Variants in KCNQ1 observed in about 807,000 individuals in gnomAD.
KCNQ1 encodes potassium voltage-gated channel subfamily Q member 1.
A neutral mutation model predicts 72.4 loss-of-function variants in KCNQ1; 49 were observed. The observed-to-expected ratio is 0.68, with a 90% CI of 0.54 to 0.86. The LOEUF (loss-of-function observed/expected upper bound fraction) is 0.86. Among genes scored for constraint, KCNQ1 ranks in the 40% least tolerant of loss-of-function variants. The pLI is 0.00. For synonymous variants in KCNQ1, 450 were observed against 412.6 expected (o/e 1.09, Z -1.10); for missense variants, 790 against 945.1 (o/e 0.84, Z 2.15).
Position 2,830,571 on chromosome 11 carries a change from G to A in KCNQ1, c.1795-17196G>A, listed in dbSNP as rs561254430. The stretch of plus-strand genomic sequence containing the variant: ...AAGGGCGGGCTGGGAGCTGCAGGAT[G>A]GGGCCTGAATCTCTCATCAACTCAC... On this transcript the variant is annotated intron_variant, in intron 15 of 15. Transcript: ENST00000155840. The surrounding 1 kb of genome is among the most constrained non-coding windows in gnomAD (Gnocchi z 7.7). Among the ~76,000 whole-genome samples, 659 of 152,250 alleles carry A rather than the reference G, an allele frequency of 4.3e-3. 2 individuals are homozygous for A. Among genetic ancestry groups the A allele is most frequent in the Non-Finnish European group, 7.0e-3 (477 of 67,992 alleles).
chr11:2,770,614 G>A (rs887904890), intron 12 of KCNQ1, among the ~76,000 whole-genome samples: 1 of 152,242 alleles, frequency 6.6e-6, no homozygotes, highest in East Asian at 1.9e-4. Context: ...ACCAAGTTGT[G>A]TCAAAGCTCC....
intron 15 of KCNQ1, 21 bp from the exon 16 acceptor site, chr11:2,847,746 C>A: frequency 1.1e-5 from 18 of 1,567,604 alleles, no homozygotes; most frequent in Non-Finnish European, 1.6e-5. Flanking sequence ...CTGACTCTCT[C>A]GTCTGCCTTT....
At chr11:2,545,193 T>G (rs1199799248) in intron 2 of KCNQ1, among the ~76,000 whole-genome samples, 1 of 152,254 alleles carries the variant, frequency 6.6e-6, no homozygotes, top group Admixed American at 6.5e-5. Context: ...GTTAAAATTT[T>G]GCTAACAACC....
Position 2,740,089 on chromosome 11 carries a change from C to T in KCNQ1, c.1515-28755C>T, listed in dbSNP as rs1279943352. 2.0e-5 allele frequency among the ~76,000 whole-genome samples: 3 copies of T among 152,192 alleles called. No homozygotes were observed. In the East Asian group the frequency reaches 5.8e-4, roughly 29 times the overall value. On this transcript the variant is annotated intron_variant, in intron 11 of 15. Coordinates refer to ENST00000155840, the MANE Select transcript of KCNQ1 (RefSeq NM_000218.3). ...AGGCCCTGAACAGACAGAGGCAAGC[C>T]CTGCATGGCGCCCAGGGTGCCAGTG... is the stretch of plus-strand genomic sequence containing the variant.
chr11:2,477,270 G>C lies in KCNQ1; in HGVS notation c.386+31786G>C, dbSNP rs1241516962. ...ACCGTATGGGCATTCACTGGACAGT[G>C]TTTTCATCCCGTATGTTTGAACAAT... On this transcript the variant is annotated intron_variant, in intron 1 of 15. Coordinates refer to ENST00000155840, the MANE Select transcript of KCNQ1 (RefSeq NM_000218.3). The surrounding 1 kb of genome is among the most constrained non-coding windows in gnomAD (Gnocchi z 5.0). Among the ~76,000 whole-genome samples, 1 of 152,178 alleles carries C rather than the reference G, an allele frequency of 6.6e-6. No homozygotes were observed. Among genetic ancestry groups the C allele is most frequent in the Admixed American group, 6.5e-5 (1 of 15,278 alleles).
intron 1 of KCNQ1, among the ~76,000 whole-genome samples, chr11:2,472,913 C>T (rs1293592746): frequency 6.6e-6 from 1 of 152,060 alleles, no homozygotes; most frequent in Non-Finnish European, 1.5e-5. Context: ...CTTCTTGATA[C>T]TCCAGGGCCC....
intron 15 of KCNQ1, among the ~76,000 whole-genome samples, chr11:2,796,743 G>A (rs1847142050): frequency 6.6e-6 from 1 of 152,208 alleles, no homozygotes; most frequent in Non-Finnish European, 1.5e-5. Context: ...GACAGAGACT[G>A]GGAGCCATTC....
At chr11:2,557,619 T>C (rs1848091992) in intron 2 of KCNQ1, among the ~76,000 whole-genome samples, 1 of 152,238 alleles carries the variant, frequency 6.6e-6, no homozygotes, top group South Asian at 2.1e-4. Context: ...CAGCTGGGGC[T>C]GGAGCCTCCA....
At chr11:2,480,532 A>G (rs189618877) in intron 1 of KCNQ1, among the ~76,000 whole-genome samples, 3 of 152,348 alleles carry the variant, frequency 2.0e-5, no homozygotes, top group Admixed American at 2.0e-4. Context: ...TATGGGAGAA[A>G]CTGCCCCCAT....
At chr11:2,587,210 A>G (rs908297707) in intron 8 of KCNQ1, among the ~76,000 whole-genome samples, 7 of 152,104 alleles carry the variant, frequency 4.6e-5, no homozygotes, top group African/African-American at 1.7e-4. Context: ...TTGGTCTCCT[A>G]TGCACGCTGT....
intron 11 of KCNQ1, chr11:2,672,171 G>C: frequency 2.5e-6 from 1 of 398,612 alleles, no homozygotes; most frequent in Non-Finnish European, 4.4e-6. Context: ...GTTTTTCAGT[G>C]TTTTCTTTAG....
chr11:2,690,312 A>C lies in KCNQ1; in HGVS notation c.1514+28231A>C. On this transcript the variant is annotated intron_variant, in intron 11 of 15. Coordinates refer to ENST00000155840, the MANE Select transcript of KCNQ1 (RefSeq NM_000218.3). This position sits in a 1 kb window ranked among gnomAD's most constrained non-coding sequence, Gnocchi z 5.1. Reference sequence around the variant, plus strand: ...TCTTCCTCCCTGTAGGATTGTCACAAGGATTAAATGATGTCAAGTCTGAGG... The same window carrying C: ...TCTTCCTCCCTGTAGGATTGTCACACGGATTAAATGATGTCAAGTCTGAGG... 1 of 398,706 alleles carries C rather than the reference A, an allele frequency of 2.5e-6. No homozygotes were observed. The highest frequency in any genetic ancestry group is 4.4e-6 in the Non-Finnish European group (1 of 226,096). 24.7% of individuals were successfully genotyped at this position (398,706 alleles called of 1,614,324 possible).
In KCNQ1 at chr11:2,782,323, T is replaced by C. The variant is rs899311645; in HGVS notation, c.1794+4286T>C. Among the ~76,000 whole-genome samples, 2 of 152,218 alleles carry C rather than the reference T, an allele frequency of 1.3e-5. No homozygotes were observed. The highest frequency in any genetic ancestry group is 2.4e-5 in the African/African-American group (1 of 41,450). ...ACATTGTATATTATTTCTTAAACAC[T>C]GCTGAAATCTCACTTACTAATATTT... is the stretch of plus-strand genomic sequence containing the variant. On this transcript the variant is annotated intron_variant, in intron 15 of 15. Coordinates refer to ENST00000155840, the MANE Select transcript of KCNQ1 (RefSeq NM_000218.3). The surrounding 1 kb of genome is among the most constrained non-coding windows in gnomAD (Gnocchi z 6.1).
In KCNQ1 at chr11:2,543,730, G is replaced by C. The variant is rs1023855550; in HGVS notation, c.477+15712G>C. ...TTCTGCTAGTAGTTTTATAATTTTTGTGCTTACCTTTAGGCCTAGGATGCA... is the reference window on the plus strand; with the variant it reads ...TTCTGCTAGTAGTTTTATAATTTTTCTGCTTACCTTTAGGCCTAGGATGCA... On this transcript the variant is annotated intron_variant, in intron 2 of 15. Coordinates refer to ENST00000155840, the MANE Select transcript of KCNQ1 (RefSeq NM_000218.3). This position sits in a 1 kb window ranked among gnomAD's most constrained non-coding sequence, Gnocchi z 5.6. Among the ~76,000 whole-genome samples the C allele has an allele frequency of 1.3e-5, 2 of 152,060 alleles. No homozygotes were observed. Among genetic ancestry groups the C allele is most frequent in the African/African-American group, 4.8e-5 (2 of 41,394 alleles).
Position 2,472,168 on chromosome 11 carries a change from C to A in KCNQ1, c.386+26684C>A, listed in dbSNP as rs1240867782. 2.3e-5 allele frequency among the ~76,000 whole-genome samples: 3 copies of A among 131,206 alleles called. No homozygotes were observed. The East Asian group carries it at 6.7e-4, about 29-fold the overall frequency. 86.1% of individuals were successfully genotyped at this position (131,206 alleles called of 152,430 possible). A position where few individuals can be genotyped will look rare whatever the true frequency, so the allele number is the denominator to read the frequency against. ...TGTGTTTTATGTATGGGTGTGTGTG[C>A]ACCTTTGTGTGTATATGTGCATGTC... is the stretch of plus-strand genomic sequence containing the variant. On this transcript the variant is annotated intron_variant, in intron 1 of 15. Transcript: ENST00000155840.
chr11:2,649,242 C>G, intron 10 of KCNQ1: 1 of 398,222 alleles, frequency 2.5e-6, no homozygotes, highest in Non-Finnish European at 4.4e-6. Flanking sequence ...AGGACTTACT[C>G]CTGTCATTTT....
rs1221967066 is a variant in KCNQ1 at position 2,479,413 on chromosome 11, T to A, written c.386+33929T>A. Among the ~76,000 whole-genome samples, 1 of 152,222 alleles carries A rather than the reference T, an allele frequency of 6.6e-6. No individual in the cohort carries two copies. Among genetic ancestry groups the A allele is most frequent in the African/African-American group, 2.4e-5 (1 of 41,458 alleles). On this transcript the variant is annotated intron_variant, in intron 1 of 15. Transcript: ENST00000155840. The surrounding 1 kb of genome is among the most constrained non-coding windows in gnomAD (Gnocchi z 4.6). ...ACATCTCTGAAATCTAGGCAGAGCT[T>A]TCCATACCTCAATTCTTGACTTCTG...
At chr11:2,604,439 C>T (rs990910962) in intron 10 of KCNQ1, among the ~76,000 whole-genome samples, 14 of 151,792 alleles carry the variant, frequency 9.2e-5, no homozygotes, top group African/African-American at 3.4e-4. Context: ...GACTGTGCCA[C>T]TGCACTCCAG....
chr11:2,791,997 G>A (rs950554207), intron 15 of KCNQ1, among the ~76,000 whole-genome samples: 1 of 152,194 alleles, frequency 6.6e-6, no homozygotes, highest in Admixed American at 6.5e-5. Flanking sequence ...AAATTTTTGT[G>A]GATTAAACAC....
Sources: allele counts gnomAD v4.1 joint callset (sites outside exome capture counted in the v4.1 genomes callset), GRCh38; gene constraint gnomAD v4.1.1; non-coding constraint Gnocchi (gnomAD v3.1); transcripts MANE v1.5; gene names NCBI Gene and HGNC (gene_info 2026-07-23, HGNC 2026-07-21).